The following RNF150 variants were observed in gnomAD, a reference collection of about 807,000 sequenced individuals.
RNF150 encodes ring finger protein 150.
RNF150 carries 24 observed loss-of-function variants against 39.3 expected under a neutral mutation model. The observed-to-expected ratio is 0.61, with a 90% confidence interval of 0.44 to 0.86. The LOEUF (loss-of-function observed/expected upper bound fraction) is 0.86, where lower values mean the gene tolerates loss of function less well. RNF150 is among the 40% of genes least tolerant of loss of function. The pLI is 0.00. For synonymous variants in RNF150, 255 were observed against 227.3 expected (o/e 1.12, Z -1.10); for missense variants, 502 against 587.8 (o/e 0.85, Z 1.51).
intron 4 of RNF150, among the ~76,000 whole-genome samples, chr4:140,931,360 T>G (rs1029083755): frequency 1.3e-5 from 2 of 152,176 alleles, no homozygotes; most frequent in African/African-American, 2.4e-5. Context: ...AGGCTTATTA[T>G]TAATTCACAA....
chr4:141,151,271 AGTT>A (rs1366659595), intron 1 of RNF150, among the ~76,000 whole-genome samples: 1 of 152,010 alleles, frequency 6.6e-6, no homozygotes, highest in Non-Finnish European at 1.5e-5. Context: ...GTTGTATAAG[AGTT>A]GTTAGAATAA....
chr4:141,097,643 G>C (rs1033082116), intron 1 of RNF150, among the ~76,000 whole-genome samples: 2 of 151,332 alleles, frequency 1.3e-5, no homozygotes, highest in Non-Finnish European at 2.9e-5. Context: ...CCAGTTTTAT[G>C]TAAAAATGAT....
intron 1 of RNF150, among the ~76,000 whole-genome samples, chr4:141,140,160 G>GT (rs776926388): frequency 4.6e-5 from 7 of 152,196 alleles, no homozygotes; most frequent in South Asian, 4.2e-4. Context: ...TTTTGGAAAC[G>GT]TTTTTTTAGA....
chr4:140,888,177 A>G (rs537776531), intron 6 of RNF150, among the ~76,000 whole-genome samples: 1 of 152,316 alleles, frequency 6.6e-6, no homozygotes, highest in South Asian at 2.1e-4. Context: ...AAAGCAGGTC[A>G]TAACTGGTAT....
chr4:140,896,708 ACAAACAAAC>A lies in RNF150; in HGVS notation c.1198+14427_1198+14435del, dbSNP rs1354043457. The stretch of plus-strand genomic sequence containing the variant: ...ATAATAAAAAAAAAAAAACAAAAAA[ACAAACAAAC>A]AAACAAAAAAAAATAATTTTTTTTC... On this transcript the variant is annotated intron_variant, in intron 6 of 6. Transcript: ENST00000515673. Among the ~76,000 whole-genome samples the A allele has an allele frequency of 4.7e-3, 422 of 89,520 alleles. 4 individuals are homozygous for A. The highest frequency in any genetic ancestry group is 0.026 in the East Asian group (41 of 1,564). The allele number at this position is 89,520 out of a possible 152,430, so 58.7% of individuals were successfully genotyped here. A position where few individuals can be genotyped will look rare whatever the true frequency, so the allele number is the denominator to read the frequency against.
intron 1 of RNF150, among the ~76,000 whole-genome samples, chr4:141,033,965 G>T (rs1454164665): frequency 3.9e-5 from 6 of 152,136 alleles, no homozygotes; most frequent in Non-Finnish European, 8.8e-5. Flanking sequence ...AATGAGCACT[G>T]GCTTCATTTT....
At chr4:140,920,313 T>A (rs1731057866) in intron 5 of RNF150, among the ~76,000 whole-genome samples, 1 of 133,270 alleles carries the variant, frequency 7.5e-6, no homozygotes, top group South Asian at 2.8e-4. Context: ...ATATCCAGAA[T>A]CTACAATGAA....
In RNF150 at chr4:140,953,921, G is replaced by A. The variant is rs181689743; in HGVS notation, c.736-4549C>T. On this transcript the variant is annotated intron_variant, in intron 2 of 6. Transcript: ENST00000515673. Reference sequence around the variant, plus strand: ...TTGGGTTTTTGATTGCACCCAGTACGAAGAGGGAAGGAAAACTACAGGCCC... The same window carrying A: ...TTGGGTTTTTGATTGCACCCAGTACAAAGAGGGAAGGAAAACTACAGGCCC... Among the ~76,000 whole-genome samples, 17 of 152,240 alleles carry A rather than the reference G, an allele frequency of 1.1e-4. 1 individual carries two copies. The highest frequency in any genetic ancestry group is 3.9e-4 in the East Asian group (2 of 5,170).
At chr4:141,144,191 T>C (rs1485069428) in intron 1 of RNF150, among the ~76,000 whole-genome samples, 1 of 152,188 alleles carries the variant, frequency 6.6e-6, no homozygotes, top group Non-Finnish European at 1.5e-5. Context: ...CAGGTAGTAT[T>C]TACTGTATAT....
rs565243685 is a variant in RNF150 at position 140,865,238 on chromosome 4, T to G, written c.*3023A>C. ...ACAATATTAGGTTAAAGTACATGAT[T>G]AAAATTATCTTTACCTGTTTCTTTT... On this transcript the variant is annotated 3_prime_UTR_variant, in exon 7 of 7. Coordinates refer to ENST00000515673, the MANE Select transcript of RNF150 (RefSeq NM_020724.2). The G allele has an allele frequency of 1.3e-5, 2 of 152,228 alleles. No homozygotes were observed. The highest frequency in any genetic ancestry group is 3.8e-4 in the East Asian group (2 of 5,200). The allele number at this position is 152,228 out of a possible 1,614,324, so 9.4% of individuals were successfully genotyped here.
At chr4:141,056,678 A>G (rs1736986280) in intron 1 of RNF150, among the ~76,000 whole-genome samples, 1 of 151,896 alleles carries the variant, frequency 6.6e-6, no homozygotes, top group Non-Finnish European at 1.5e-5. Context: ...CCTAATCCTC[A>G]GCTCTTTCCT....
chr4:140,949,376 A>G lies in RNF150; in HGVS notation c.736-4T>C. 1.9e-6 allele frequency: 3 copies of G among 1,612,612 alleles called. No individual in the cohort carries two copies. In the South Asian group the frequency reaches 3.3e-5, roughly 18 times the overall value. On this transcript the variant is annotated splice_polypyrimidine_tract_variant and splice_region_variant and intron_variant, in intron 2 of 6. Coordinates refer to ENST00000515673, the MANE Select transcript of RNF150 (RefSeq NM_020724.2). ...TTGCTGCATCCCCCAGTCGGCGCTG[A>G]AAAGCCAAAACGTGCTTGTTAATAA...
chr4:141,177,889 T>C (rs1430518701), intron 1 of RNF150, among the ~76,000 whole-genome samples: 1 of 152,176 alleles, frequency 6.6e-6, no homozygotes. Flanking sequence ...AAGAATCTTA[T>C]ACTGCTATAA....
intron 1 of RNF150, among the ~76,000 whole-genome samples, chr4:141,177,476 TTCTC>T (rs35665766): frequency 1.8e-4 from 25 of 142,220 alleles, no homozygotes; most frequent in African/African-American, 3.8e-4. Flanking sequence ...TATTGATTCT[TTCTC>T]TCTCTCTCTC....
At chr4:140,914,278 C>G (rs17338710) in intron 5 of RNF150, among the ~76,000 whole-genome samples, 58,548 of 151,954 alleles carry the variant, frequency 0.39, 12,135 homozygotes, top group Non-Finnish European at 0.47. Context: ...ACCAAGTTTA[C>G]AGAACCTCAC....
chr4:141,160,344 T>C (rs1727489012), intron 1 of RNF150, among the ~76,000 whole-genome samples: 1 of 152,220 alleles, frequency 6.6e-6, no homozygotes, highest in Non-Finnish European at 1.5e-5. Context: ...TCTGCATTAC[T>C]GGGGAAATGC....
At chr4:140,878,727 G>A (rs78491319) in intron 6 of RNF150, among the ~76,000 whole-genome samples, 6,622 of 152,174 alleles carry the variant, frequency 0.044, 492 homozygotes, top group African/African-American at 0.15. Flanking sequence ...TCTGTTGACT[G>A]TTTACTGTGC....
At chr4:141,040,167 C>CCACACA (rs112615981) in intron 1 of RNF150, among the ~76,000 whole-genome samples, 1,763 of 150,676 alleles carry the variant, frequency 0.012, 14 homozygotes, top group Non-Finnish European at 0.016. Context: ...GGTAACACAA[C>CCACACA]CACACACACA....
intron 2 of RNF150, among the ~76,000 whole-genome samples, chr4:140,967,054 G>A (rs1733269413): frequency 6.6e-6 from 1 of 152,114 alleles, no homozygotes. Context: ...AGAGTTAAGT[G>A]TGCTATCATT....
Sources: allele counts gnomAD v4.1 joint callset (sites outside exome capture counted in the v4.1 genomes callset), GRCh38; gene constraint gnomAD v4.1.1; transcripts MANE v1.5; gene names NCBI Gene and HGNC (gene_info 2026-07-23, HGNC 2026-07-21).